STT3A: variants seen among roughly 807,000 people sequenced by gnomAD.
STT3A encodes STT3 oligosaccharyltransferase complex catalytic subunit A.
A neutral mutation model predicts 89.2 loss-of-function variants in STT3A; 34 were observed. The ratio of observed to expected loss-of-function variants is 0.38; its 90% confidence interval spans 0.29 to 0.51. The LOEUF is 0.51. STT3A is among the 20% of genes least tolerant of loss of function. STT3A has a pLI of 0.89. For synonymous variants in STT3A, 282 were observed against 310.3 expected, an observed-to-expected ratio of 0.91 and a Z score of 0.96; for missense variants, 555 against 889.5, an observed-to-expected ratio of 0.62 and a Z score of 4.78.
chr11:125,602,798 T>C lies in STT3A; in HGVS notation c.272-5T>C, dbSNP rs199517505. The C allele has an allele frequency of 6.2e-7, 1 of 1,614,180 alleles. No homozygotes were observed. The highest frequency in any genetic ancestry group is 2.2e-5 in the East Asian group (1 of 44,878). The stretch of plus-strand genomic sequence containing the variant: ...ACCTAATGGAGTTTCTTCTTCCTGT[T>C]ACAGGTTTAATGATCACCTCTGCTG... On this transcript the variant is annotated splice_region_variant and splice_polypyrimidine_tract_variant and intron_variant, in intron 4 of 17. Coordinates refer to ENST00000392708, the MANE Select transcript of STT3A (RefSeq NM_152713.5).
rs940161723 is a variant in STT3A at position 125,621,907 on chromosome 11, C to G, written c.*1097C>G. ...AAAATTAGCCAGGTATGGTGGTGTA[C>G]ACCTGTAGTCCCAGCTACTCGGGAA... On this transcript the variant is annotated 3_prime_UTR_variant, in exon 18 of 18. Coordinates refer to ENST00000392708, the MANE Select transcript of STT3A (RefSeq NM_152713.5). The G allele has an allele frequency of 6.6e-6, 1 of 152,164 alleles. No homozygotes were observed. The highest frequency in any genetic ancestry group is 1.5e-5 in the Non-Finnish European group (1 of 68,032). The allele number at this position is 152,164 out of a possible 1,614,324, so 9.4% of individuals were successfully genotyped here.
chr11:125,620,208 T>C (rs958964941), intron 17 of STT3A, 82 bp downstream of exon 17: 1 of 1,105,778 alleles, frequency 9.0e-7, no homozygotes, highest in Admixed American at 2.5e-5. Context: ...GACATATATT[T>C]CTCAAATAGG....
At chr11:125,603,243 A>G (rs916248565) in intron 5 of STT3A, 5 of 266,150 alleles carry the variant, frequency 1.9e-5, no homozygotes, top group Admixed American at 1.5e-4. Flanking sequence ...AAGTCCTCAC[A>G]ATGTAAGGGA....
Position 125,622,019 on chromosome 11 carries a change from T to G in STT3A, c.*1209T>G, listed in dbSNP as rs1170985798. On this transcript the variant is annotated 3_prime_UTR_variant, in exon 18 of 18. Transcript: ENST00000392708. ...CACTGTACTCCAGTCTGGGCGACAGTGAAATCTTGTCTAAACAAAAACAAT... is the reference window on the plus strand; with the variant it reads ...CACTGTACTCCAGTCTGGGCGACAGGGAAATCTTGTCTAAACAAAAACAAT... 6.6e-6 allele frequency: 1 copy of G among 152,176 alleles called. No individual in the cohort carries two copies. Among genetic ancestry groups the G allele is most frequent in the African/African-American group, 2.4e-5 (1 of 41,442 alleles). 9.4% of individuals were successfully genotyped at this position (152,176 alleles called of 1,614,324 possible). A position where few individuals can be genotyped will look rare whatever the true frequency, so the allele number is the denominator to read the frequency against.
In STT3A at chr11:125,609,573, C is replaced by T. The variant is rs745750654; in HGVS notation, c.1101C>T (p.Leu367=). Reference sequence around the variant, plus strand: ...CATACTATTTTGACCTGCAGCTCCTCGTCTTCATGTTTCCAGGTATGTGGC... The same window carrying T: ...CATACTATTTTGACCTGCAGCTCCTTGTCTTCATGTTTCCAGGTATGTGGC... ...WSSYYFDLQL[L]VFMFPVGLYY... Residue 367 remains leucine, a synonymous_variant, in exon 10 of 18, where the codon CTC becomes CTT. Transcript: ENST00000392708. The T allele has an allele frequency of 2.9e-5, 46 of 1,612,472 alleles. No homozygotes were observed. The highest frequency in any genetic ancestry group is 9.4e-5 in the African/African-American group (7 of 74,862).
intron 8 of STT3A, among the ~76,000 whole-genome samples, chr11:125,607,522 C>G (rs1273975557): frequency 1.3e-5 from 2 of 152,222 alleles, no homozygotes; most frequent in East Asian, 3.8e-4. Flanking sequence ...CTTGAATCAT[C>G]ATCACTAGCA....
At position 125,614,546 on chromosome 11, in the gene STT3A, T is replaced by C. The variant is rs1242522967; in HGVS notation, c.1774+120T>C. The C allele has an allele frequency of 1.0e-6, 1 of 1,004,546 alleles. No individual in the cohort carries two copies. Among genetic ancestry groups the C allele is most frequent in the African/African-American group, 1.6e-5 (1 of 61,074 alleles). 62.2% of individuals were successfully genotyped at this position (1,004,546 alleles called of 1,614,324 possible). On this transcript the variant is annotated intron_variant, in intron 15 of 17. Transcript: ENST00000392708. The surrounding 1 kb of genome is among the most constrained non-coding windows in gnomAD (Gnocchi z 4.9). The stretch of plus-strand genomic sequence containing the variant: ...TAAGATATTTTTCTTTCATGGGAAG[T>C]TCCTAAGTATTTGCAACTTGAGGTT...
intron 10 of STT3A, 134 bp downstream of exon 10, chr11:125,609,723 A>C: frequency 4.7e-6 from 5 of 1,054,860 alleles, no homozygotes; most frequent in Non-Finnish European, 6.6e-6. Context: ...ACGGCTAAGC[A>C]AATTTTCTCA....
chr11:125,618,222 C>T lies in STT3A; in HGVS notation c.1775-151C>T, dbSNP rs189785605. On this transcript the variant is annotated intron_variant, in intron 15 of 17. Transcript: ENST00000392708. ...TATATTTTGACGAAAAATGCTTTGC[C>T]CGTATGTTGTCCTCACTATTTTTAC... 1.9e-3 allele frequency: 1,324 copies of T among 695,492 alleles called. 11 individuals carry two copies. The African/African-American group carries it at 0.022, about 11-fold the overall frequency. 43.1% of individuals were successfully genotyped at this position (695,492 alleles called of 1,614,324 possible). A position where few individuals can be genotyped will look rare whatever the true frequency, so the allele number is the denominator to read the frequency against.
rs1386884257 is a variant in STT3A, at chr11:125,608,234, C to T, written c.906C>T (p.Val302=). The T allele has an allele frequency of 2.5e-6, 4 of 1,614,206 alleles. No homozygotes were observed. The highest frequency in any genetic ancestry group is 3.3e-5 in the Admixed American group (2 of 60,012). Residue 302 remains valine, a synonymous_variant, in exon 9 of 18, where the codon GTC becomes GTT. Coordinates refer to ENST00000392708, the MANE Select transcript of STT3A (RefSeq NM_152713.5). Reference sequence around the variant, plus strand: ...AATTTGAAGTTCTTTTCCGGAGCGTCATCTCTCTGGTAGGCTTTGTCCTTC... The same window carrying T: ...AATTTGAAGTTCTTTTCCGGAGCGTTATCTCTCTGGTAGGCTTTGTCCTTC... The part of the protein sequence containing the change: ...PQQFEVLFRS[V]ISLVGFVLLT...
intron 12 of STT3A, 90 bp from the exon 13 acceptor site, chr11:125,612,899 C>G (rs1591379071): frequency 1.2e-5 from 18 of 1,525,524 alleles, no homozygotes; most frequent in Non-Finnish European, 1.6e-5. Flanking sequence ...TTTGATCAAT[C>G]TCATCTATAT....
Position 125,604,140 on chromosome 11 carries a change from C to G in STT3A, c.418-17C>G, listed in dbSNP as rs1014528677. On this transcript the variant is annotated splice_polypyrimidine_tract_variant and intron_variant, in intron 5 of 17. Transcript: ENST00000392708. ...TTGTATTGGTGTTAATGTCTTATTACCCTTTTTTTCTTACAGGATGCAGGG... is the reference window on the plus strand; with the variant it reads ...TTGTATTGGTGTTAATGTCTTATTAGCCTTTTTTTCTTACAGGATGCAGGG... The G allele has an allele frequency of 3.1e-6, 5 of 1,613,024 alleles. No homozygotes were observed. The African/African-American group carries it at 6.7e-5, about 22-fold the overall frequency.
At chr11:125,615,509 C>T (rs1007129699) in intron 15 of STT3A, among the ~76,000 whole-genome samples, 1 of 151,898 alleles carries the variant, frequency 6.6e-6, no homozygotes, top group Non-Finnish European at 1.5e-5. Flanking sequence ...CATAATACAA[C>T]AATAAAAATC....
Position 125,608,301 on chromosome 11 carries a change from T to G in STT3A, c.961+12T>G. ...CCTCATGCTGACAGGTAGGGAAGGC[T>G]CACAGCTTTTTTCCTTTTTTCTTTT... On this transcript the variant is annotated intron_variant, in intron 9 of 17. Transcript: ENST00000392708. 1.3e-6 allele frequency: 2 copies of G among 1,575,656 alleles called. No homozygotes were observed. Among genetic ancestry groups the G allele is most frequent in the Non-Finnish European group, 1.7e-6 (2 of 1,167,124 alleles).
In STT3A at chr11:125,609,725, A is replaced by T. The variant is rs965097378; in HGVS notation, c.1117+136A>T. The T allele has an allele frequency of 3.8e-6, 4 of 1,040,646 alleles. No homozygotes were observed. In the African/African-American group the frequency reaches 4.8e-5, roughly 13 times the overall value. 64.5% of individuals were successfully genotyped at this position (1,040,646 alleles called of 1,614,324 possible). A position where few individuals can be genotyped will look rare whatever the true frequency, so the allele number is the denominator to read the frequency against. ...TGTAATACAGAGGACGGCTAAGCAA[A>T]TTTTCTCATGTATGAAGCTGAGCAG... On this transcript the variant is annotated intron_variant, in intron 10 of 17. Coordinates refer to ENST00000392708, the MANE Select transcript of STT3A (RefSeq NM_152713.5).
intron 10 of STT3A, chr11:125,610,673 G>A (rs1391738165): frequency 6.6e-6 from 1 of 151,854 alleles, no homozygotes; most frequent in East Asian, 1.9e-4. Flanking sequence ...GCAATATAGT[G>A]AGACCCCTGT....
intron 3 of STT3A, among the ~76,000 whole-genome samples, chr11:125,600,349 CTTATTA>C (rs555249039): frequency 1.3e-5 from 2 of 150,314 alleles, no homozygotes; most frequent in African/African-American, 2.4e-5. Flanking sequence ...TGCGCCTGGC[CTTATTA>C]TTATTATTAT....
chr11:125,601,406 A>G (rs1270468863), intron 3 of STT3A, among the ~76,000 whole-genome samples: 1 of 152,142 alleles, frequency 6.6e-6, no homozygotes, highest in African/African-American at 2.4e-5. Context: ...GGATCACCTG[A>G]GGTCAGGAGT....
chr11:125,618,307 A>C, intron 15 of STT3A, 66 bp from the exon 16 acceptor site: 6 of 1,449,706 alleles, frequency 4.1e-6, no homozygotes, highest in Non-Finnish European at 5.5e-6. Context: ...TTTCTTAGAA[A>C]TACTAACCTG....
Sources: allele counts gnomAD v4.1 joint callset (sites outside exome capture counted in the v4.1 genomes callset), GRCh38; gene constraint gnomAD v4.1.1; non-coding constraint Gnocchi (gnomAD v3.1); transcripts MANE v1.5; gene names NCBI Gene and HGNC (gene_info 2026-07-23, HGNC 2026-07-21).